The following FIG4 variants were observed in gnomAD, a reference collection of about 807,000 sequenced individuals.
FIG4 encodes FIG4 phosphoinositide 5-phosphatase, also known as polyphosphoinositide phosphatase.
In FIG4, 112 loss-of-function variants were observed where a neutral mutation model predicts 118.6. The ratio of observed to expected loss-of-function variants is 0.94; its 90% confidence interval spans 0.81 to 1.11. The LOEUF is 1.11. Ranked by LOEUF, FIG4 falls within the 50% of genes least tolerant of loss-of-function variation. The pLI is 0.00. For missense variants in FIG4, 969 were observed against 1,111.7 expected (o/e 0.87, Z 1.83); for synonymous variants, 369 against 381.2 (o/e 0.97, Z 0.37).
intron 18 of FIG4, among the ~76,000 whole-genome samples, chr6:109,786,937 T>C (rs1777979738): frequency 6.6e-6 from 1 of 152,126 alleles, no homozygotes; most frequent in South Asian, 2.1e-4. Flanking sequence ...GCAAGTGCCT[T>C]TGTAGTGCCT....
chr6:109,822,402 A>C (rs963873028), intron 22 of FIG4, among the ~76,000 whole-genome samples: 12 of 152,186 alleles, frequency 7.9e-5, no homozygotes, highest in African/African-American at 2.7e-4. Flanking sequence ...GAAACACAGT[A>C]GTTTTTCTAT....
chr6:109,763,300 T>A (rs371597872), intron 12 of FIG4, among the ~76,000 whole-genome samples: 1 of 152,266 alleles, frequency 6.6e-6, no homozygotes, highest in East Asian at 1.9e-4. Context: ...GGGCCAACCT[T>A]ATAAGCAGGA....
At chr6:109,791,623 C>A in intron 20 of FIG4, 52 bp downstream of exon 20, 1 of 1,519,582 alleles carries the variant, frequency 6.6e-7, no homozygotes, top group Non-Finnish European at 9.1e-7. Flanking sequence ...GGAAAATGAT[C>A]TTTACAACTC....
chr6:109,750,924 TTTAA>T (rs1429948837), intron 10 of FIG4, among the ~76,000 whole-genome samples: 1 of 152,232 alleles, frequency 6.6e-6, no homozygotes, highest in African/African-American at 2.4e-5. Flanking sequence ...AGATATATAA[TTTAA>T]TTTTCTCCGA....
intron 22 of FIG4, among the ~76,000 whole-genome samples, chr6:109,808,976 A>G (rs778812502): frequency 7.2e-5 from 11 of 152,216 alleles, no homozygotes; most frequent in Non-Finnish European, 1.0e-4. Context: ...TGCTGTTAAA[A>G]ACTCATGCAT....
intron 10 of FIG4, among the ~76,000 whole-genome samples, chr6:109,756,026 T>C (rs1260945597): frequency 6.6e-6 from 1 of 152,244 alleles, no homozygotes; most frequent in Non-Finnish European, 1.5e-5. Context: ...AGTTTCTTCC[T>C]AGTCTCAATG....
intron 22 of FIG4, 129 bp from the exon 23 acceptor site, chr6:109,824,959 C>A: frequency 2.4e-6 from 2 of 843,298 alleles, no homozygotes; most frequent in South Asian, 2.8e-5. Flanking sequence ...GGGAGGTCAT[C>A]CCAGCAGCTT....
chr6:109,763,958 T>C lies in FIG4; in HGVS notation c.1410T>C (p.Cys470=). 8.1e-6 allele frequency: 13 copies of C among 1,610,578 alleles called. No individual in the cohort carries two copies. Among genetic ancestry groups the C allele is most frequent in the Non-Finnish European group, 1.1e-5 (13 of 1,176,754 alleles). Residue 470 remains cysteine (C), a synonymous_variant, in exon 13 of 23, where the codon TGT becomes TGC. Transcript: ENST00000230124. ...ACAGGTGGAATGAACTAGGAGGATG[T>C]GTGATTCCCACTGGTCGCCTGCAGG... The part of the protein sequence containing the change: ...PDEKWNELGG[C]VIPTGRLQTG...
intron 1 of FIG4, among the ~76,000 whole-genome samples, chr6:109,703,797 T>G (rs1206810536): frequency 6.6e-6 from 1 of 152,202 alleles, no homozygotes; most frequent in African/African-American, 2.4e-5. Flanking sequence ...ATGTGACTGC[T>G]TTCTCCTTTC....
intron 6 of FIG4, among the ~76,000 whole-genome samples, chr6:109,736,038 T>C (rs1776150372): frequency 6.6e-6 from 1 of 152,090 alleles, no homozygotes; most frequent in African/African-American, 2.4e-5. Flanking sequence ...GGTCTAGCAC[T>C]GTAAAGCTAG....
intron 5 of FIG4, among the ~76,000 whole-genome samples, 178 bp downstream of exon 5, chr6:109,732,865 C>A (rs1776048743): frequency 6.6e-6 from 1 of 151,782 alleles, no homozygotes. Context: ...ATTTGAAAAT[C>A]CAAATGGATA....
Position 109,735,156 on chromosome 6 carries a change from C to G in FIG4, c.504C>G (p.Ser168Arg), listed in dbSNP as rs1292275404. Residue 168 changes from serine (S) to arginine (R), a missense_variant, in exon 6 of 23, where the codon AGC becomes AGG. Physicochemically the swap from Ser to Arg is moderately radical, Grantham distance 110. Around this residue, in one of 3 missense-constraint regions of FIG4, gnomAD observed 393 missense variants for 409.4 expected, o/e 0.96. Coordinates refer to ENST00000230124, the MANE Select transcript of FIG4 (RefSeq NM_014845.6). ...DLSSNFYFSY[S>R]YDLSHSLQYN... ...GTTTCAATTCTGTTCTCAGTTACAG[C>G]TATGATTTGTCCCACTCACTTCAAT... is the stretch of plus-strand genomic sequence containing the variant. 2.5e-6 allele frequency: 4 copies of G among 1,612,138 alleles called. No individual in the cohort carries two copies. In the South Asian group the frequency reaches 4.4e-5, roughly 18 times the overall value.
At chr6:109,740,732 A>G (rs1443327459) in intron 7 of FIG4, among the ~76,000 whole-genome samples, 1 of 152,108 alleles carries the variant, frequency 6.6e-6, no homozygotes, top group African/African-American at 2.4e-5. Flanking sequence ...GAGGTGTATG[A>G]TCTTGGAAGA....
intron 1 of FIG4, among the ~76,000 whole-genome samples, chr6:109,710,856 G>A (rs181600663): frequency 4.6e-4 from 70 of 151,610 alleles, no homozygotes; most frequent in South Asian, 2.1e-3. Flanking sequence ...GTGTTTGTTT[G>A]AATCTTCTTT....
At chr6:109,814,030 T>C (rs542964232) in intron 22 of FIG4, among the ~76,000 whole-genome samples, 4 of 152,324 alleles carry the variant, frequency 2.6e-5, no homozygotes, top group African/African-American at 7.2e-5. Context: ...TGTGACATAA[T>C]AAATGTTGGC....
intron 22 of FIG4, among the ~76,000 whole-genome samples, chr6:109,800,046 T>G (rs556180679): frequency 6.6e-6 from 1 of 152,144 alleles, no homozygotes; most frequent in African/African-American, 2.4e-5. Flanking sequence ...ATAAAGTACA[T>G]CTTATTATCA....
At chr6:109,695,942 C>G (rs1408113791) in intron 1 of FIG4, among the ~76,000 whole-genome samples, 1 of 152,156 alleles carries the variant, frequency 6.6e-6, no homozygotes, top group African/African-American at 2.4e-5. Flanking sequence ...GGTGTTGGCT[C>G]TTATTTCTGC....
chr6:109,802,091 A>G (rs1404691151), intron 22 of FIG4, among the ~76,000 whole-genome samples: 1 of 152,216 alleles, frequency 6.6e-6, no homozygotes, highest in Non-Finnish European at 1.5e-5. Flanking sequence ...GGAAACTGGG[A>G]TGTGACCTCT....
At chr6:109,821,382 A>T (rs1008799823) in intron 22 of FIG4, among the ~76,000 whole-genome samples, 1 of 152,258 alleles carries the variant, frequency 6.6e-6, no homozygotes, top group African/African-American at 2.4e-5. Context: ...ACAGAAAAGT[A>T]TCAAGGGCCA....
Sources: allele counts gnomAD v4.1 joint callset (sites outside exome capture counted in the v4.1 genomes callset), GRCh38; gene constraint gnomAD v4.1.1; regional missense constraint gnomAD v4.1.1; transcripts MANE v1.5; gene names NCBI Gene and HGNC (gene_info 2026-07-23, HGNC 2026-07-21).